Variants in ADAMTS17 observed in about 807,000 individuals in gnomAD.
The protein encoded by ADAMTS17 is ADAM metallopeptidase with thrombospondin type 1 motif 17.
A neutral mutation model predicts 141.5 loss-of-function variants in ADAMTS17; 113 were observed. The ratio of observed to expected loss-of-function variants is 0.80; its 90% CI spans 0.69 to 0.93. The LOEUF is 0.93. Among genes scored for constraint, ADAMTS17 ranks in the 40% least tolerant of loss-of-function variants. The probability of loss-of-function intolerance (pLI) is 0.00; values close to 1 mark genes in which losing one functional copy is unlikely to be tolerated. For synonymous variants in ADAMTS17, 768 were observed against 630.6 expected, an observed-to-expected ratio of 1.22 and a Z score of -3.27; for missense variants, 1,659 against 1,517.9, an observed-to-expected ratio of 1.09 and a Z score of -1.54.
At chr15:100,262,791 A>C (rs936207012) in intron 4 of ADAMTS17, among the ~76,000 whole-genome samples, 20 of 151,666 alleles carry the variant, frequency 1.3e-4, no homozygotes, top group Admixed American at 4.6e-4. Flanking sequence ...CTAAAAAAAA[A>C]AAAAAACAAA....
chr15:100,095,492 G>A (rs2035702279), intron 15 of ADAMTS17, among the ~76,000 whole-genome samples: 1 of 152,094 alleles, frequency 6.6e-6, no homozygotes, highest in Non-Finnish European at 1.5e-5. Flanking sequence ...TTCTCTTGTT[G>A]GGGGAAAATG....
chr15:100,291,993 C>T (rs777533532), intron 3 of ADAMTS17, among the ~76,000 whole-genome samples: 1 of 152,240 alleles, frequency 6.6e-6, no homozygotes, highest in Non-Finnish European at 1.5e-5. Context: ...CGGTAGCTCT[C>T]GTGATAAAAA....
At chr15:100,002,245 G>A (rs952345736) in intron 18 of ADAMTS17, among the ~76,000 whole-genome samples, 3 of 152,000 alleles carry the variant, frequency 2.0e-5, no homozygotes, top group Admixed American at 6.5e-5. Flanking sequence ...GCTTTAGGGT[G>A]AGACCTGTTT....
At chr15:100,053,064 C>A (rs2141596346) in intron 16 of ADAMTS17, among the ~76,000 whole-genome samples, 1 of 152,288 alleles carries the variant, frequency 6.6e-6, no homozygotes, top group African/African-American at 2.4e-5. Flanking sequence ...GAAGAACTTC[C>A]ACGGAGAGAC....
chr15:100,207,591 A>C (rs941768138), intron 7 of ADAMTS17, among the ~76,000 whole-genome samples: 2 of 152,218 alleles, frequency 1.3e-5, no homozygotes, highest in East Asian at 1.9e-4. Flanking sequence ...ACTGATCTGG[A>C]AAGTTGTAGG....
intron 3 of ADAMTS17, among the ~76,000 whole-genome samples, chr15:100,319,462 G>A (rs2045662821): frequency 6.6e-6 from 1 of 152,212 alleles, no homozygotes; most frequent in South Asian, 2.1e-4. Flanking sequence ...TGTAATCCCA[G>A]CACTTAGGGA....
intron 3 of ADAMTS17, among the ~76,000 whole-genome samples, chr15:100,295,771 C>T (rs1406283205): frequency 6.6e-6 from 1 of 152,188 alleles, no homozygotes; most frequent in Admixed American, 6.5e-5. Context: ...TAGCATGGTT[C>T]CAGCTTTCCT....
At chr15:100,163,041 T>TAC (rs1327274626) in intron 8 of ADAMTS17, among the ~76,000 whole-genome samples, 9 of 146,818 alleles carry the variant, frequency 6.1e-5, no homozygotes, top group Non-Finnish European at 1.3e-4. Context: ...TATATGTGTA[T>TAC]ATATAACTAT....
intron 6 of ADAMTS17, among the ~76,000 whole-genome samples, chr15:100,260,425 C>T (rs1033025588): frequency 1.3e-5 from 2 of 151,906 alleles, no homozygotes; most frequent in African/African-American, 4.8e-5. Flanking sequence ...ACCAGCCTGG[C>T]CAATGTGGTG....
At chr15:100,148,998 T>C (rs773870336) in intron 10 of ADAMTS17, among the ~76,000 whole-genome samples, 6 of 151,988 alleles carry the variant, frequency 3.9e-5, no homozygotes, top group Admixed American at 6.5e-5. Context: ...CAGGGGAGCA[T>C]AGGGCAGGAT....
intron 8 of ADAMTS17, among the ~76,000 whole-genome samples, chr15:100,194,185 A>G (rs2041027276): frequency 6.6e-6 from 1 of 152,084 alleles, no homozygotes; most frequent in Non-Finnish European, 1.5e-5. Context: ...TCCTGTCTCT[A>G]GACATCTCCC....
intron 18 of ADAMTS17, among the ~76,000 whole-genome samples, chr15:99,999,532 G>A (rs1029246611): frequency 8.5e-5 from 13 of 152,136 alleles, no homozygotes; most frequent in Non-Finnish European, 1.3e-4. Context: ...GGGTGGAGGC[G>A]GAGTGAGGAA....
chr15:100,282,642 G>T (rs1220442909), intron 3 of ADAMTS17, among the ~76,000 whole-genome samples: 1 of 152,104 alleles, frequency 6.6e-6, no homozygotes, highest in African/African-American at 2.4e-5. Context: ...TGAAACTACG[G>T]AAAGTGAAAC....
chr15:100,246,616 C>A (rs555683300), intron 7 of ADAMTS17, among the ~76,000 whole-genome samples: 1 of 152,260 alleles, frequency 6.6e-6, no homozygotes, highest in African/African-American at 2.4e-5. Flanking sequence ...GAACAGGGCC[C>A]AAAAGTGAGA....
At chr15:99,975,682 C>A (rs912509940) in intron 21 of ADAMTS17, among the ~76,000 whole-genome samples, 1 of 152,168 alleles carries the variant, frequency 6.6e-6, no homozygotes, top group Non-Finnish European at 1.5e-5. Flanking sequence ...ATGTGTGCAT[C>A]CTCATGGCAT....
intron 7 of ADAMTS17, among the ~76,000 whole-genome samples, chr15:100,214,018 A>G (rs921533392): frequency 6.6e-6 from 1 of 152,260 alleles, no homozygotes; most frequent in Non-Finnish European, 1.5e-5. Context: ...GAGGGGCAAG[A>G]AAGATGACTA....
At chr15:100,015,413 TTTTG>T (rs142722159) in intron 18 of ADAMTS17, among the ~76,000 whole-genome samples, 6,993 of 152,162 alleles carry the variant, frequency 0.046, 438 homozygotes, top group African/African-American at 0.14. Flanking sequence ...CCTTGCTTTT[TTTTG>T]TTTTTCTTTT....
intron 8 of ADAMTS17, among the ~76,000 whole-genome samples, chr15:100,166,957 A>G (rs1202328341): frequency 6.6e-6 from 1 of 152,236 alleles, no homozygotes; most frequent in Non-Finnish European, 1.5e-5. Flanking sequence ...GGCTATTGGT[A>G]TGTAGCCTAG....
chr15:100,303,210 T>C (rs896515607), intron 3 of ADAMTS17, among the ~76,000 whole-genome samples: 1 of 147,146 alleles, frequency 6.8e-6, no homozygotes, highest in South Asian at 2.1e-4. Context: ...ATATATAATA[T>C]ATATGTAACA....
Sources: allele counts gnomAD v4.1 joint callset (sites outside exome capture counted in the v4.1 genomes callset), GRCh38; gene constraint gnomAD v4.1.1; transcripts MANE v1.5; gene names NCBI Gene and HGNC (gene_info 2026-07-23, HGNC 2026-07-21).